MDGA2: variants seen among roughly 807,000 people sequenced by gnomAD.
MDGA2 encodes MAM domain-containing glycosylphosphatidylinositol anchor protein 2.
Under a neutral mutation model 117.8 loss-of-function variants are expected in MDGA2, and 40 were observed. The observed-to-expected ratio is 0.34, with a 90% CI of 0.26 to 0.44. The LOEUF is 0.44. MDGA2 is among the 20% of genes least tolerant of loss of function. The pLI, the probability that MDGA2 is intolerant of heterozygous loss-of-function variation, is 1.00. For missense variants in MDGA2, 1,123 were observed against 1,250.6 expected (o/e 0.90, Z 1.54); for synonymous variants, 452 against 439.0 (o/e 1.03, Z -0.37).
intron 1 of MDGA2, among the ~76,000 whole-genome samples, chr14:47,364,473 C>G (rs529425082): frequency 4.6e-5 from 7 of 152,094 alleles, no homozygotes; most frequent in Non-Finnish European, 8.8e-5. Flanking sequence ...ACCGTGTTAG[C>G]CAGAATGGTC....
intron 9 of MDGA2, among the ~76,000 whole-genome samples, chr14:46,946,959 T>G (rs532356386): frequency 6.6e-6 from 1 of 152,202 alleles, no homozygotes; most frequent in African/African-American, 2.4e-5. Context: ...ACTCAAGTCT[T>G]AATACTGAAT....
intron 2 of MDGA2, among the ~76,000 whole-genome samples, chr14:47,250,932 A>T (rs1158393944): frequency 6.6e-6 from 1 of 152,226 alleles, no homozygotes; most frequent in African/African-American, 2.4e-5. Context: ...ACTACCATCC[A>T]GGCCACTATT....
In MDGA2 at chr14:47,399,779, A is replaced by G. The variant is rs185139697; in HGVS notation, c.281-98229T>C. Among the ~76,000 whole-genome samples the G allele has an allele frequency of 1.6e-4, 24 of 152,308 alleles. No individual in the cohort carries two copies. In the East Asian group the frequency reaches 4.1e-3, roughly 26 times the overall value. ...TGTTTTTTTGTTAAAAAAATGCTGT[A>G]TAACAATGCATGGTAATTATCAAAT... On this transcript the variant is annotated intron_variant, in intron 1 of 16. Transcript: ENST00000399232.
At chr14:47,361,207 C>CTCTATATATATA (rs61280975) in intron 1 of MDGA2, among the ~76,000 whole-genome samples, 12 of 140,550 alleles carry the variant, frequency 8.5e-5, no homozygotes, top group African/African-American at 1.6e-4. Context: ...CTCTCTCTCT[C>CTCTATATATATA]TATATATATA....
In MDGA2 at chr14:47,301,299, A is replaced by C. The variant is rs200119405; in HGVS notation, c.420+112T>G. ...CACACACACACCCACACCCACCCACACACACACACACACACACACACAGTT... is the reference window on the plus strand; with the variant it reads ...CACACACACACCCACACCCACCCACCCACACACACACACACACACACAGTT... On this transcript the variant is annotated intron_variant, in intron 2 of 16. Coordinates refer to ENST00000399232, the MANE Select transcript of MDGA2 (RefSeq NM_001113498.3). The C allele has an allele frequency of 1.4e-3, 71 of 52,030 alleles. No individual in the cohort carries two copies. The East Asian group carries it at 0.062, about 46-fold the overall frequency. The allele number at this position is 52,030 out of a possible 1,614,324, so 3.2% of individuals were successfully genotyped here.
intron 1 of MDGA2, among the ~76,000 whole-genome samples, chr14:47,621,577 T>C (rs997887617): frequency 6.6e-6 from 1 of 152,150 alleles, no homozygotes; most frequent in African/African-American, 2.4e-5. Flanking sequence ...TTCATAAGTA[T>C]AACACATCAA....
chr14:47,637,702 A>G (rs943624152), intron 1 of MDGA2, among the ~76,000 whole-genome samples: 6 of 152,352 alleles, frequency 3.9e-5, no homozygotes, highest in African/African-American at 1.4e-4. Context: ...ATGCGAATTC[A>G]CCATAGAAAA....
At chr14:47,206,670 G>T (rs1279458809) in intron 3 of MDGA2, among the ~76,000 whole-genome samples, 1 of 151,944 alleles carries the variant, frequency 6.6e-6, no homozygotes, top group East Asian at 1.9e-4. Flanking sequence ...CTGGAGGATT[G>T]CTTGAGGCCA....
intron 14 of MDGA2, among the ~76,000 whole-genome samples, chr14:46,861,443 CTT>C (rs1295284131): frequency 4.0e-5 from 6 of 151,646 alleles, no homozygotes; most frequent in Non-Finnish European, 5.9e-5. Context: ...TAAATTCAAA[CTT>C]GAGTTATTTC....
At chr14:47,462,875 T>C (rs928479503) in intron 1 of MDGA2, among the ~76,000 whole-genome samples, 1 of 152,248 alleles carries the variant, frequency 6.6e-6, no homozygotes, top group Non-Finnish European at 1.5e-5. Flanking sequence ...GTTAGCAACA[T>C]ATAAACATCA....
At chr14:47,068,100 A>G (rs1890148856) in intron 6 of MDGA2, among the ~76,000 whole-genome samples, 1 of 152,138 alleles carries the variant, frequency 6.6e-6, no homozygotes, top group East Asian at 1.9e-4. Context: ...ATTTAATTGT[A>G]AAGTATCAAG....
At chr14:47,648,442 G>C (rs1897576997) in intron 1 of MDGA2, among the ~76,000 whole-genome samples, 1 of 151,982 alleles carries the variant, frequency 6.6e-6, no homozygotes. Context: ...CATTTTTATA[G>C]TTCTTTGAGT....
intron 1 of MDGA2, among the ~76,000 whole-genome samples, chr14:47,530,128 G>A (rs1034441646): frequency 5.9e-5 from 9 of 152,188 alleles, no homozygotes; most frequent in African/African-American, 2.2e-4. Context: ...CAGGAAAGCA[G>A]ATGTTCATAG....
chr14:47,276,957 C>T (rs938990882), intron 2 of MDGA2, among the ~76,000 whole-genome samples: 4 of 152,116 alleles, frequency 2.6e-5, no homozygotes, highest in Non-Finnish European at 4.4e-5. Flanking sequence ...AGTCAGAAAT[C>T]CAAGACTAAA....
At chr14:47,296,500 T>G (rs1265865386) in intron 2 of MDGA2, among the ~76,000 whole-genome samples, 2 of 152,148 alleles carry the variant, frequency 1.3e-5, no homozygotes, top group Non-Finnish European at 2.9e-5. Flanking sequence ...CAGCAACCAG[T>G]AAATAGAGAT....
intron 1 of MDGA2, among the ~76,000 whole-genome samples, chr14:47,400,761 T>TC (rs199645162): frequency 0.44 from 42,938 of 97,436 alleles, 8,539 homozygotes; most frequent in East Asian, 0.62. Context: ...TTCTTTTCTT[T>TC]TTTTTTTTTT....
intron 2 of MDGA2, among the ~76,000 whole-genome samples, chr14:47,292,105 A>C (rs577892034): frequency 6.6e-6 from 1 of 152,336 alleles, no homozygotes; most frequent in Admixed American, 6.5e-5. Context: ...GTTGTTTACC[A>C]TAAGCTATTA....
chr14:47,237,028 T>C (rs932323775), intron 2 of MDGA2, among the ~76,000 whole-genome samples: 2 of 152,244 alleles, frequency 1.3e-5, no homozygotes, highest in African/African-American at 4.8e-5. Flanking sequence ...AATATTCAGG[T>C]TCCTATAAAA....
At chr14:47,269,959 C>T (rs1055068384) in intron 2 of MDGA2, among the ~76,000 whole-genome samples, 2 of 152,116 alleles carry the variant, frequency 1.3e-5, no homozygotes, top group African/African-American at 2.4e-5. Flanking sequence ...GTGATTATTA[C>T]ATTATGACTT....
Sources: gnomAD v4.1 joint callset for allele counts (sites outside exome capture counted in the v4.1 genomes callset) on GRCh38, gnomAD v4.1.1 for gene constraint, MANE v1.5 for transcripts, NCBI Gene and HGNC (gene_info 2026-07-23, HGNC 2026-07-21) for gene names.